Variants in PARD3B observed in about 807,000 individuals in gnomAD.
PARD3B encodes partitioning defective 3 homolog B.
Under a neutral mutation model 130.2 loss-of-function variants are expected in PARD3B, and 103 were observed. The observed-to-expected ratio is 0.79, with a 90% confidence interval of 0.67 to 0.93. The LOEUF (loss-of-function observed/expected upper bound fraction) is 0.93. Among genes scored for constraint, PARD3B ranks in the 40% least tolerant of loss-of-function variants. PARD3B has a pLI of 0.00. For missense variants in PARD3B, 1,609 were observed against 1,499.2 expected, an observed-to-expected ratio of 1.07 and a Z score of -1.21; for synonymous variants, 583 against 553.2, an observed-to-expected ratio of 1.05 and a Z score of -0.76.
rs140153369 is a variant in PARD3B at position 204,920,094 on chromosome 2, C to T, written c.223-45058C>T. Among the ~76,000 whole-genome samples, 22 of 152,272 alleles carry T rather than the reference C, an allele frequency of 1.4e-4. No individual in the cohort carries two copies. In the East Asian group the frequency reaches 1.9e-3, roughly 13 times the overall value. The stretch of plus-strand genomic sequence containing the variant: ...TGGAAATGTGTGTAAAGAACAATTA[C>T]GGTGTTCCAGGTAATTCTGTATCTA... On this transcript the variant is annotated intron_variant, in intron 2 of 22. Transcript: ENST00000406610.
intron 22 of PARD3B, among the ~76,000 whole-genome samples, chr2:205,583,377 C>CTG (rs139162850): frequency 0.059 from 8,875 of 150,468 alleles, 642 homozygotes; most frequent in African/African-American, 0.17. Context: ...CTCCTAAGCT[C>CTG]TGTGTGTGTG....
At chr2:205,007,899 T>G (rs971287043) in intron 3 of PARD3B, among the ~76,000 whole-genome samples, 1 of 152,182 alleles carries the variant, frequency 6.6e-6, no homozygotes, top group African/African-American at 2.4e-5. Context: ...CTTGTAGATA[T>G]CTTTTACCTC....
At position 204,686,210 on chromosome 2, in the gene PARD3B, C is replaced by T. The variant is rs188923583; in HGVS notation, c.150C>T (p.His50=). The T allele has an allele frequency of 2.6e-4, 417 of 1,612,218 alleles. No homozygotes were observed. In the African/African-American group the frequency reaches 4.6e-3, roughly 18 times the overall value. The part of the protein sequence containing the change: ...KGPGYWVKIH[H]LEYTDGGILD... ...CTGGTTACTGGGTGAAGATTCATCA[C>T]TTAGAATATACAGATGGAGGAATCC... The change falls in exon 2 of 23, where the codon CAC becomes CAT. Residue 50 remains histidine (H), a synonymous_variant. Transcript: ENST00000406610.
intron 22 of PARD3B, among the ~76,000 whole-genome samples, chr2:205,588,530 T>A (rs769500547): frequency 6.6e-6 from 1 of 152,116 alleles, no homozygotes; most frequent in Non-Finnish European, 1.5e-5. Context: ...CATGTGTGTG[T>A]GCGTGTGCAT....
intron 22 of PARD3B, among the ~76,000 whole-genome samples, chr2:205,605,426 G>A (rs1467884115): frequency 6.6e-6 from 1 of 152,130 alleles, no homozygotes; most frequent in East Asian, 1.9e-4. Context: ...AGTGGTGGTG[G>A]TGCTATTGTT....
chr2:205,297,223 T>C (rs1435483755), intron 16 of PARD3B, among the ~76,000 whole-genome samples: 1 of 152,152 alleles, frequency 6.6e-6, no homozygotes, highest in African/African-American at 2.4e-5. Flanking sequence ...GCTAAATTAC[T>C]CACTTGAAAG....
intron 3 of PARD3B, among the ~76,000 whole-genome samples, chr2:205,014,046 C>T (rs983404505): frequency 1.3e-5 from 2 of 152,182 alleles, no homozygotes; most frequent in African/African-American, 4.8e-5. Context: ...AATTGCCTTG[C>T]TAACCAGCTT....
chr2:205,075,859 TGGTAATGTTCAAACTGATA>T (rs1701025641), intron 4 of PARD3B, among the ~76,000 whole-genome samples: 1 of 152,094 alleles, frequency 6.6e-6, no homozygotes, highest in Admixed American at 6.5e-5. Context: ...TTAAACATGA[TGGTAATGTTCAAACTGATA>T]AAACTAATAT....
intron 1 of PARD3B, among the ~76,000 whole-genome samples, chr2:204,620,104 C>A (rs2034245585): frequency 6.6e-6 from 1 of 152,116 alleles, no homozygotes. Flanking sequence ...TGGGTTCAAG[C>A]AATTCTCCTG....
At chr2:205,175,860 T>C (rs1223961788) in intron 12 of PARD3B, among the ~76,000 whole-genome samples, 1 of 151,598 alleles carries the variant, frequency 6.6e-6, no homozygotes, top group Non-Finnish European at 1.5e-5. Context: ...TGAATGTGTT[T>C]ACAGACTGTA....
In PARD3B at chr2:204,598,695, C is replaced by A. The variant is rs79874828; in HGVS notation, c.120+52576C>A. Among the ~76,000 whole-genome samples the A allele has an allele frequency of 5.3e-5, 8 of 152,074 alleles. No homozygotes were observed. The East Asian group carries it at 1.5e-3, about 29-fold the overall frequency. On this transcript the variant is annotated intron_variant, in intron 1 of 22. Coordinates refer to ENST00000406610, the MANE Select transcript of PARD3B (RefSeq NM_001302769.2). ...CAAAATTAAGCAGTACCCCATTGTT[C>A]TATATTAACAATTTGTTTTAAATTT... is the stretch of plus-strand genomic sequence containing the variant.
In PARD3B at chr2:205,122,724, G is replaced by A. The variant is rs985000938; in HGVS notation, c.1165+775G>A. Among the ~76,000 whole-genome samples the A allele has an allele frequency of 2.0e-5, 3 of 152,164 alleles. No homozygotes were observed. The highest frequency in any genetic ancestry group is 4.4e-5 in the Non-Finnish European group (3 of 68,020). ...TGTCTGAATTAATAGAGAATTTATG[G>A]TCAAAAGGTAGTTTTAGAAAAACTA... is the stretch of plus-strand genomic sequence containing the variant. On this transcript the variant is annotated intron_variant, in intron 8 of 22. Transcript: ENST00000406610. This position sits in a 1 kb window ranked among gnomAD's most constrained non-coding sequence, Gnocchi z 4.3.
intron 3 of PARD3B, among the ~76,000 whole-genome samples, chr2:204,975,443 A>G (rs528401917): frequency 3.3e-5 from 5 of 152,316 alleles, no homozygotes; most frequent in South Asian, 2.1e-4. Flanking sequence ...CCATCCATCC[A>G]TCCTTCTCCC....
intron 1 of PARD3B, among the ~76,000 whole-genome samples, chr2:204,648,468 A>G (rs1189786611): frequency 1.4e-5 from 2 of 147,696 alleles, no homozygotes; most frequent in East Asian, 1.9e-4. Flanking sequence ...ATTTTTAGAC[A>G]TGTTTTGTTT....
chr2:205,592,361 T>C lies in PARD3B; in HGVS notation c.3261-23095T>C, dbSNP rs991786157. Among the ~76,000 whole-genome samples the C allele has an allele frequency of 1.3e-5, 2 of 152,156 alleles. No homozygotes were observed. The highest frequency in any genetic ancestry group is 2.9e-5 in the Non-Finnish European group (2 of 68,028). Reference sequence around the variant, plus strand: ...TCACTGGGAGAGAAAGGGATGAGGCTGAAACTCAAATGAGTACCCATTTAA... The same window carrying C: ...TCACTGGGAGAGAAAGGGATGAGGCCGAAACTCAAATGAGTACCCATTTAA... On this transcript the variant is annotated intron_variant, in intron 22 of 22. Coordinates refer to ENST00000406610, the MANE Select transcript of PARD3B (RefSeq NM_001302769.2). The surrounding 1 kb of genome is among the most constrained non-coding windows in gnomAD (Gnocchi z 4.5).
At chr2:204,717,061 A>G (rs182218846) in intron 2 of PARD3B, among the ~76,000 whole-genome samples, 2 of 152,240 alleles carry the variant, frequency 1.3e-5, no homozygotes, top group African/African-American at 4.8e-5. Context: ...TCCCTTCAGG[A>G]TTTGCTGCAA....
chr2:204,562,090 C>T (rs2031354198), intron 1 of PARD3B, among the ~76,000 whole-genome samples: 2 of 152,088 alleles, frequency 1.3e-5, no homozygotes, highest in South Asian at 4.1e-4. Flanking sequence ...CGTGCCCCAC[C>T]CCCAGCCTGA....
intron 4 of PARD3B, among the ~76,000 whole-genome samples, chr2:205,051,039 T>C (rs1402115260): frequency 6.6e-6 from 1 of 152,170 alleles, no homozygotes; most frequent in African/African-American, 2.4e-5. Flanking sequence ...TATTGTTCGC[T>C]CACTGATAAG....
chr2:205,320,188 AGAG>A (rs2042701602), intron 18 of PARD3B, among the ~76,000 whole-genome samples: 4 of 123,446 alleles, frequency 3.2e-5, no homozygotes, highest in Non-Finnish European at 6.6e-5. Flanking sequence ...AGAGAGAGAG[AGAG>A]AGGAAGGGAA....
Sources: allele counts gnomAD v4.1 joint callset (sites outside exome capture counted in the v4.1 genomes callset), GRCh38; gene constraint gnomAD v4.1.1; non-coding constraint Gnocchi (gnomAD v3.1); transcripts MANE v1.5; gene names NCBI Gene and HGNC (gene_info 2026-07-23, HGNC 2026-07-21).